SLC12A3: variants seen among roughly 807,000 people sequenced by gnomAD.
SLC12A3 encodes the protein Na-Cl cotransporter.
SLC12A3 carries 104 observed loss-of-function variants against 121.0 expected under a neutral mutation model. That is an observed-to-expected ratio of 0.86 (90% CI 0.73 to 1.01). SLC12A3 has a LOEUF of 1.01. Ranked by LOEUF, SLC12A3 falls within the 50% of genes least tolerant of loss-of-function variation. The probability of loss-of-function intolerance (pLI) is 0.00; values close to 1 mark genes in which losing one functional copy is unlikely to be tolerated. For synonymous variants in SLC12A3, 536 were observed against 533.4 expected (o/e 1.00, Z -0.07); for missense variants, 1,328 against 1,356.3 (o/e 0.98, Z 0.33).
At chr16:56,868,973 C>CAA (rs149840877) in intron 3 of SLC12A3, among the ~76,000 whole-genome samples, 3 of 124,210 alleles carry the variant, frequency 2.4e-5, no homozygotes, top group African/African-American at 3.1e-5. Context: ...AACTCCATCT[C>CAA]AAAAAAAATA....
rs770311901 is a variant in SLC12A3, at chr16:56,884,097, G to C, written c.1718G>C (p.Gly573Ala). 6.2e-7 allele frequency: 1 copy of C among 1,614,188 alleles called. No individual in the cohort carries two copies. The highest frequency in any genetic ancestry group is 8.5e-7 in the Non-Finnish European group (1 of 1,180,010). ...TACAACAAGTGGGCGGCGCTGTTTG[G>C]GGCTATCATCTCCGTGGTCATCATG... Reference protein sequence around the residue: ...QYYNKWAALFGAIISVVIMFL... With the variant: ...QYYNKWAALFAAIISVVIMFL... Residue 573 changes from glycine to alanine, a missense_variant, in exon 14 of 26, where the codon GGG (glycine) becomes GCG (alanine). Physicochemically the swap from Gly to Ala is moderately conservative, Grantham distance 60. Coordinates refer to ENST00000563236, the MANE Select transcript of SLC12A3 (RefSeq NM_001126108.2).
chr16:56,885,181 A>C, intron 14 of SLC12A3, 84 bp from the exon 15 acceptor site: 1 of 906,706 alleles, frequency 1.1e-6, no homozygotes, highest in Non-Finnish European at 1.8e-6. Context: ...GAAGGCCGAC[A>C]TTACCTCTGT....
Position 56,913,493 on chromosome 16 carries a change from A to T in SLC12A3, c.*88A>T, listed in dbSNP as rs1174276232. ...CCTCTAGTCCACAGGGATGAGACTC[A>T]TGTTCTGTTGCACTTTAAGTGGCAG... On this transcript the variant is annotated 3_prime_UTR_variant, in exon 26 of 26. Coordinates refer to ENST00000563236, the MANE Select transcript of SLC12A3 (RefSeq NM_001126108.2). The T allele has an allele frequency of 7.6e-7, 1 of 1,320,828 alleles. No homozygotes were observed. The highest frequency in any genetic ancestry group is 1.4e-5 in the African/African-American group (1 of 69,102). The allele number at this position is 1,320,828 out of a possible 1,614,324, so 81.8% of individuals were successfully genotyped here. A position where few individuals can be genotyped will look rare whatever the true frequency, so the allele number is the denominator to read the frequency against.
chr16:56,889,002 G>T (rs547407805), intron 18 of SLC12A3, among the ~76,000 whole-genome samples: 3 of 152,332 alleles, frequency 2.0e-5, no homozygotes, highest in African/African-American at 7.2e-5. Flanking sequence ...GTGAAACCAG[G>T]ACCTGAGGAC....
intron 25 of SLC12A3, among the ~76,000 whole-genome samples, chr16:56,913,019 G>A (rs577199123): frequency 1.2e-4 from 19 of 152,312 alleles, no homozygotes; most frequent in African/African-American, 3.4e-4. Flanking sequence ...AGGTGAGGTC[G>A]TGGGCTTGGC....
Position 56,886,925 on chromosome 16 carries a change from T to C in SLC12A3, c.2038-28T>C, listed in dbSNP as rs780243585. 15 of 1,612,742 alleles carry C rather than the reference T, an allele frequency of 9.3e-6. No individual in the cohort carries two copies. In the South Asian group the frequency reaches 1.2e-4, roughly 13 times the overall value. On this transcript the variant is annotated intron_variant, in intron 16 of 25. Transcript: ENST00000563236. ...CAGGCTGGAGGGTGAAGGCAGCTGG[T>C]GATGTCCCCTGCCCCTCCCACCCAC...
At position 56,902,499 on chromosome 16, in the gene SLC12A3, CAG is replaced by C. The variant is rs746623621; in HGVS notation, c.2850_2851del (p.Arg950SerfsTer11). On this transcript the variant is annotated frameshift_variant, in exon 24 of 26. Coordinates refer to ENST00000563236, the MANE Select transcript of SLC12A3 (RefSeq NM_001126108.2). LOFTEE classifies it high-confidence loss of function. ...TCTCAGATGAGGAGATTACGAAGAA[CAG>C]AGTCAAGGTGCAGAGAGGGGTGGGG... ...KISDEEITKN[R>X]VKSLRQVRLN... 8 of 1,576,058 alleles carry C rather than the reference CAG, an allele frequency of 5.1e-6. No homozygotes were observed. In the East Asian group the frequency reaches 1.4e-4, roughly 27 times the overall value.
intron 5 of SLC12A3, 89 bp downstream of exon 5, chr16:56,870,324 G>T (rs2055076638): frequency 7.0e-7 from 1 of 1,419,590 alleles, no homozygotes; most frequent in Admixed American, 2.0e-5. Context: ...GCCTCCTGCT[G>T]CTCTGCCTGA....
intron 22 of SLC12A3, among the ~76,000 whole-genome samples, chr16:56,898,253 G>GGTTTTGTTTTGTTTT (rs71381143): frequency 3.7e-4 from 56 of 151,560 alleles, no homozygotes; most frequent in East Asian, 1.7e-3. Context: ...AGTTTGATTT[G>GGTTTTGTTTTGTTTT]GTTTTGTTTT....
At chr16:56,886,647 G>A (rs1232418004) in intron 16 of SLC12A3, among the ~76,000 whole-genome samples, 172 bp downstream of exon 16, 1 of 152,122 alleles carries the variant, frequency 6.6e-6, no homozygotes, top group East Asian at 1.9e-4. Context: ...CCCACAGAGT[G>A]GGGGCCGAGG....
intron 12 of SLC12A3, among the ~76,000 whole-genome samples, 164 bp from the exon 13 acceptor site, chr16:56,882,232 C>T (rs1456904698): frequency 6.6e-6 from 1 of 152,048 alleles, no homozygotes; most frequent in Non-Finnish European, 1.5e-5. Context: ...AAAGGATGGA[C>T]CCATCTCACA....
intron 6 of SLC12A3, among the ~76,000 whole-genome samples, chr16:56,871,539 G>A (rs2055097667): frequency 6.6e-6 from 1 of 152,114 alleles, no homozygotes; most frequent in Admixed American, 6.6e-5. Context: ...GCAGCTGTCA[G>A]AGGGTGTCCT....
intron 19 of SLC12A3, 95 bp downstream of exon 19, chr16:56,890,451 C>A: frequency 9.6e-7 from 1 of 1,044,820 alleles, no homozygotes; most frequent in Non-Finnish European, 1.5e-6. Flanking sequence ...TAAAAGGTTA[C>A]AGACTCATAG....
chr16:56,894,072 C>G (rs1457971270), intron 21 of SLC12A3, among the ~76,000 whole-genome samples: 1 of 148,996 alleles, frequency 6.7e-6, no homozygotes, highest in East Asian at 2.0e-4. Context: ...GGTGTGATCT[C>G]GGCTCACTGC....
chr16:56,882,371 C>CAA, intron 12 of SLC12A3, 25 bp from the exon 13 acceptor site: 8 of 1,585,528 alleles, frequency 5.0e-6, no homozygotes, highest in Non-Finnish European at 6.9e-6. Context: ...AACAGGCTGT[C>CAA]CTCTCTCTCC....
chr16:56,878,033 T>TCTCTCCCTCCCTCCCTCCCC, intron 8 of SLC12A3, 44 bp from the exon 9 acceptor site: 1 of 506,048 alleles, frequency 2.0e-6, no homozygotes, highest in Non-Finnish European at 3.8e-6. Context: ...CCTCCCTCCC[T>TCTCTCCCTCCCTCCCTCCCC]CTCTCCCTCC....
At chr16:56,875,631 C>T (rs1219313902) in intron 8 of SLC12A3, among the ~76,000 whole-genome samples, 2 of 152,054 alleles carry the variant, frequency 1.3e-5, no homozygotes, top group Non-Finnish European at 2.9e-5. Context: ...CCTGCCCCCA[C>T]CCCAACAGCT....
At chr16:56,884,005 G>T (rs1209478203) in intron 13 of SLC12A3, 44 bp from the exon 14 acceptor site, 10 of 1,610,790 alleles carry the variant, frequency 6.2e-6, no homozygotes, top group Non-Finnish European at 6.8e-6. Context: ...CTAGAAAGAG[G>T]CTCGACTGCC....
Position 56,865,435 on chromosome 16 carries a change from A to G in SLC12A3, c.200A>G (p.Tyr67Cys). The G allele has an allele frequency of 6.2e-7, 1 of 1,614,178 alleles. No individual in the cohort carries two copies. The highest frequency in any genetic ancestry group is 1.1e-5 in the South Asian group (1 of 91,086). The change falls in exon 1 of 26, where the codon TAT becomes TGT. Residue 67 changes from tyrosine (Y) to cysteine (C), a missense_variant. Tyr to Cys is a radical substitution (Grantham distance 194). Transcript: ENST00000563236. Reference sequence around the variant, plus strand: ...AACACGATCGATGTGGTGCCCACATATGAGCACTATGCCAACAGCACCCAG... The same window carrying G: ...AACACGATCGATGTGGTGCCCACATGTGAGCACTATGCCAACAGCACCCAG... ...GYNTIDVVPT[Y>C]EHYANSTQPG...
Sources: allele counts gnomAD v4.1 joint callset (sites outside exome capture counted in the v4.1 genomes callset), GRCh38; gene constraint gnomAD v4.1.1; transcripts MANE v1.5; gene names NCBI Gene and HGNC (gene_info 2026-07-23, HGNC 2026-07-21).